KLHL4: variants seen among roughly 807,000 people sequenced by gnomAD.
KLHL4 encodes the protein kelch-like protein 4.
Under a neutral mutation model 45.8 loss-of-function variants are expected in KLHL4, and 17 were observed. The ratio of observed to expected loss-of-function variants is 0.37; its 90% CI spans 0.25 to 0.56. The LOEUF (loss-of-function observed/expected upper bound fraction) is 0.56. Ranked by LOEUF, KLHL4 falls within the 20% of genes least tolerant of loss-of-function variation. The pLI is 0.79. For missense variants in KLHL4, 544 were observed against 544.9 expected (o/e 1.00, Z 0.02); for synonymous variants, 224 against 189.9 (o/e 1.18, Z -1.47).
Position 87,667,086 on chromosome X carries a change from A to T in KLHL4, c.*552A>T, listed in dbSNP as rs222113. On this transcript the variant is annotated 3_prime_UTR_variant, in exon 11 of 11. Coordinates refer to ENST00000373119, the MANE Select transcript of KLHL4 (RefSeq NM_019117.5). ...AAGAGGAAAGCTTTTACTGTGTTGAAGCTAAAAAAATAATGGCTCTTTGAC... is the reference window on the plus strand; with the variant it reads ...AAGAGGAAAGCTTTTACTGTGTTGATGCTAAAAAAATAATGGCTCTTTGAC... 2 of 735,555 alleles carry T rather than the reference A, an allele frequency of 2.7e-6. No homozygotes were observed. The highest frequency in any genetic ancestry group is 3.2e-6 in the Non-Finnish European group (2 of 633,937). The allele number at this position is 735,555 out of a possible 1,213,427, so 60.6% of individuals were successfully genotyped here. A position where few individuals can be genotyped will look rare whatever the true frequency, so the allele number is the denominator to read the frequency against.
At chrX:87,618,288 C>T (rs906805401) in intron 4 of KLHL4, among the ~76,000 whole-genome samples, 160 bp downstream of exon 4, 2 of 111,930 alleles carry the variant, frequency 1.8e-5, no homozygotes, top group Non-Finnish European at 3.8e-5. Flanking sequence ...GCAAGCTTTT[C>T]CTTTTCTGAA....
chrX:87,666,439 T>C, intron 10 of KLHL4, 36 bp from the exon 11 acceptor site: 1 of 1,144,515 alleles, frequency 8.7e-7, no homozygotes, highest in Non-Finnish European at 1.2e-6. Context: ...GAAATCAGAG[T>C]TCCAACAGTG....
chrX:87,667,151 C>T lies in KLHL4; in HGVS notation c.*617C>T, dbSNP rs1200044346. The T allele has an allele frequency of 1.3e-6, 1 of 750,452 alleles. No individual in the cohort carries two copies. Among genetic ancestry groups the T allele is most frequent in the Non-Finnish European group, 1.6e-6 (1 of 637,610 alleles). The allele number at this position is 750,452 out of a possible 1,213,427, so 61.8% of individuals were successfully genotyped here. A position where few individuals can be genotyped will look rare whatever the true frequency, so the allele number is the denominator to read the frequency against. ...TGATCGCGGTATGTCAAAATTTTTA[C>T]AGGTTTGCTCATCTGCCAGAGCACA... On this transcript the variant is annotated 3_prime_UTR_variant, in exon 11 of 11. Transcript: ENST00000373119.
chrX:87,551,587 GTAGATAGA>G (rs780160650), intron 1 of KLHL4, among the ~76,000 whole-genome samples: 6 of 107,484 alleles, frequency 5.6e-5, no homozygotes, highest in Admixed American at 1.0e-4. Flanking sequence ...AAATAGATAG[GTAGATAGA>G]TAGATAGATA....
At chrX:87,559,353 A>G (rs5967851) in intron 1 of KLHL4, among the ~76,000 whole-genome samples, 27,692 of 110,817 alleles carry the variant, frequency 0.25, 2,951 homozygotes, top group East Asian at 0.51. Context: ...AATGTTTTCT[A>G]CAACAGAAAA....
At chrX:87,614,391 T>G in intron 2 of KLHL4, 43 bp from the exon 3 acceptor site, 1 of 1,165,304 alleles carries the variant, frequency 8.6e-7, no homozygotes, top group Admixed American at 2.2e-5. Context: ...TTCAGTGAAA[T>G]TATTGACTCA....
At chrX:87,556,878 G>A (rs1477813218) in intron 1 of KLHL4, among the ~76,000 whole-genome samples, 7 of 110,496 alleles carry the variant, frequency 6.3e-5, no homozygotes, top group Non-Finnish European at 1.1e-4. Context: ...TAATGGAGGG[G>A]CACTAATAGA....
intron 3 of KLHL4, 82 bp from the exon 4 acceptor site, chrX:87,617,850 A>AT: frequency 1.2e-6 from 1 of 842,367 alleles, no homozygotes. Context: ...AGAGAGGAAA[A>AT]TAAAAAAAAA....
chrX:87,529,249 A>T (rs1462943859), intron 1 of KLHL4, among the ~76,000 whole-genome samples: 2 of 111,239 alleles, frequency 1.8e-5, no homozygotes, highest in African/African-American at 3.3e-5. Context: ...CTATAACAAA[A>T]ACAGGAAATT....
chrX:87,633,882 C>G lies in KLHL4; in HGVS notation c.1683C>G (p.Ser561Arg). 8.3e-7 allele frequency: 1 copy of G among 1,206,781 alleles called. No individual in the cohort carries two copies. Among genetic ancestry groups the G allele is most frequent in the Non-Finnish European group, 1.1e-6 (1 of 893,405 alleles). Residue 561 changes from serine (S) to arginine (R), a missense_variant, in exon 8 of 11, where the codon AGC (serine) becomes AGG (arginine). Physicochemically the swap from Ser to Arg is moderately radical, Grantham distance 110 (BLOSUM62 -1). Coordinates refer to ENST00000373119, the MANE Select transcript of KLHL4 (RefSeq NM_019117.5). ...NYVASMSTPRSTVGVVALNNK... is the reference protein window; with the variant it reads ...NYVASMSTPRRTVGVVALNNK... ...TAGCCAGTATGTCAACTCCTAGAAG[C>G]ACAGTTGGTGTTGTTGCATTAAACA...
chrX:87,530,882 C>A (rs1931254756), intron 1 of KLHL4, among the ~76,000 whole-genome samples: 2 of 109,961 alleles, frequency 1.8e-5, no homozygotes, highest in African/African-American at 6.7e-5. Context: ...TTTACAGTCC[C>A]ACCAACAGTG....
At chrX:87,532,684 C>A (rs1268535923) in intron 1 of KLHL4, among the ~76,000 whole-genome samples, 2 of 104,669 alleles carry the variant, frequency 1.9e-5, no homozygotes, top group Non-Finnish European at 3.9e-5. Flanking sequence ...GTATTTTATT[C>A]TCTTTGAAGC....
At chrX:87,560,768 CACAT>C (rs1932080319) in intron 1 of KLHL4, among the ~76,000 whole-genome samples, 1 of 111,604 alleles carries the variant, frequency 9.0e-6, no homozygotes, top group Non-Finnish European at 1.9e-5. Flanking sequence ...ATGCTTTTGT[CACAT>C]ACAACAGGAT....
At chrX:87,591,029 G>C (rs528559106) in intron 1 of KLHL4, among the ~76,000 whole-genome samples, 44 of 111,581 alleles carry the variant, frequency 3.9e-4, no homozygotes, top group African/African-American at 1.3e-3. Flanking sequence ...TGAATCATAT[G>C]GTAATTCTAC....
chrX:87,552,124 GA>G (rs1192219857), intron 1 of KLHL4, among the ~76,000 whole-genome samples: 1 of 111,162 alleles, frequency 9.0e-6, no homozygotes, highest in Non-Finnish European at 1.9e-5. Context: ...CAGAGTTGGA[GA>G]AAATCTTCAC....
rs930186166 is a variant in KLHL4, at chrX:87,666,398, C to T, written c.2098-77C>T. 5 of 962,363 alleles carry T rather than the reference C, an allele frequency of 5.2e-6. No individual in the cohort carries two copies. In the African/African-American group the frequency reaches 8.0e-5, roughly 15 times the overall value. 79.3% of individuals were successfully genotyped at this position (962,363 alleles called of 1,213,427 possible). Reference sequence around the variant, plus strand: ...CCAAATTAAGTAAGGACTTCTTCAACTATATTGAATATAATATTTTATATT... The same window carrying T: ...CCAAATTAAGTAAGGACTTCTTCAATTATATTGAATATAATATTTTATATT... On this transcript the variant is annotated intron_variant, in intron 10 of 10. Coordinates refer to ENST00000373119, the MANE Select transcript of KLHL4 (RefSeq NM_019117.5).
intron 1 of KLHL4, among the ~76,000 whole-genome samples, chrX:87,535,483 A>G (rs1931408041): frequency 8.9e-6 from 1 of 112,029 alleles, no homozygotes; most frequent in African/African-American, 3.2e-5. Context: ...TTAGTATCCT[A>G]AAAATAGTTA....
chrX:87,639,518 G>T (rs985855379), intron 9 of KLHL4, among the ~76,000 whole-genome samples: 6 of 111,431 alleles, frequency 5.4e-5, no homozygotes, highest in Non-Finnish European at 9.4e-5. Context: ...TACTCTGTCA[G>T]ACCACAGTCT....
chrX:87,663,144 A>T (rs1313461626), intron 9 of KLHL4, among the ~76,000 whole-genome samples: 7 of 109,882 alleles, frequency 6.4e-5, no homozygotes, highest in Non-Finnish European at 9.5e-5. Flanking sequence ...CTATAATGTT[A>T]ATGAGAAAAT....
Sources: allele counts gnomAD v4.1 joint callset (sites outside exome capture counted in the v4.1 genomes callset), GRCh38; gene constraint gnomAD v4.1.1; transcripts MANE v1.5; gene names NCBI Gene and HGNC (gene_info 2026-07-23, HGNC 2026-07-21).